Variants in GNA12 observed in about 807,000 individuals in gnomAD.
GNA12 encodes G protein subunit alpha 12.
In GNA12, 9 loss-of-function variants were observed where a neutral mutation model predicts 26.0. The observed-to-expected ratio is 0.35, with a 90% CI of 0.21 to 0.60. GNA12 has a LOEUF of 0.60. Ranked by LOEUF, GNA12 falls within the 20% of genes least tolerant of loss-of-function variation. The pLI, the probability that GNA12 is intolerant of heterozygous loss-of-function variation, is 0.78. For synonymous variants in GNA12, 264 were observed against 219.6 expected (o/e 1.20, Z -1.79); for missense variants, 405 against 525.8 (o/e 0.77, Z 2.25).
chr7:2,811,925 A>T (rs1245522552), intron 1 of GNA12, among the ~76,000 whole-genome samples: 2 of 152,264 alleles, frequency 1.3e-5, no homozygotes, highest in African/African-American at 4.8e-5. Flanking sequence ...TCCATCTTAT[A>T]AAACGAAAGG....
intron 1 of GNA12, among the ~76,000 whole-genome samples, chr7:2,830,820 T>C (rs1182187): frequency 6.6e-6 from 1 of 151,932 alleles, no homozygotes; most frequent in Non-Finnish European, 1.5e-5. Context: ...TGTGCACCTG[T>C]GTCCTAGCTA....
chr7:2,756,090 A>C (rs566218489), intron 2 of GNA12, among the ~76,000 whole-genome samples: 1 of 152,354 alleles, frequency 6.6e-6, no homozygotes, highest in East Asian at 1.9e-4. Context: ...ATCATCGGCA[A>C]AAGAAAAGTA....
intron 1 of GNA12, among the ~76,000 whole-genome samples, chr7:2,819,061 G>C (rs531187946): frequency 2.0e-5 from 3 of 152,234 alleles, no homozygotes; most frequent in Admixed American, 6.5e-5. Flanking sequence ...ATTACCCTGC[G>C]AGCCTGATGG....
At chr7:2,839,193 T>C (rs1433512226) in intron 1 of GNA12, among the ~76,000 whole-genome samples, 1 of 152,188 alleles carries the variant, frequency 6.6e-6, no homozygotes, top group Non-Finnish European at 1.5e-5. Context: ...CTGTCCATAG[T>C]GGAGTCGAAC....
chr7:2,731,025 C>T lies in GNA12; in HGVS notation c.*156G>A, dbSNP rs996433102. 6 of 572,530 alleles carry T rather than the reference C, an allele frequency of 1.0e-5. No homozygotes were observed. The highest frequency in any genetic ancestry group is 4.5e-4 in the Middle Eastern group (1 of 2,202). The allele number at this position is 572,530 out of a possible 1,614,324, so 35.5% of individuals were successfully genotyped here. On this transcript the variant is annotated 3_prime_UTR_variant, in exon 4 of 4. Transcript: ENST00000275364. This position sits in a 1 kb window ranked among gnomAD's most constrained non-coding sequence, Gnocchi z 6.0. ...TTTCCATGTCCTTTTGCCTAGAGCT[C>T]GCTGGCTGGCTGGTCTGACAGCATT...
In GNA12 at chr7:2,814,396, G is replaced by A. The variant is rs1478716491; in HGVS notation, c.310-19253C>T. 2.0e-6 allele frequency: 3 copies of A among 1,535,824 alleles called. No homozygotes were observed. The Admixed American group carries it at 5.0e-5, about 26-fold the overall frequency. On this transcript the variant is annotated intron_variant, in intron 1 of 3. Coordinates refer to ENST00000275364, the MANE Select transcript of GNA12 (RefSeq NM_007353.3). The stretch of plus-strand genomic sequence containing the variant: ...CTGGTGTGCTTCCCGAACCCTGCAA[G>A]TCAACATTTAAGAATTCCTATAATC...
intron 1 of GNA12, chr7:2,835,700 C>A: frequency 8.8e-6 from 9 of 1,021,148 alleles, no homozygotes; most frequent in Non-Finnish European, 1.1e-5. Flanking sequence ...AACAAATTTG[C>A]ATGGAATACA....
chr7:2,738,212 C>T (rs1263786366), intron 2 of GNA12, among the ~76,000 whole-genome samples: 1 of 151,462 alleles, frequency 6.6e-6, no homozygotes, highest in Non-Finnish European at 1.5e-5. Context: ...GTCAGGAGTT[C>T]GAGACAAGCC....
rs534075202 is a variant in GNA12, at chr7:2,789,195, G to A, written c.525+5733C>T. ...CTGTCGCCCAGGCTGGAGTGCAGTGGCGGGATCTCGGCTCACTGCAAGCTC... is the reference window on the plus strand; with the variant it reads ...CTGTCGCCCAGGCTGGAGTGCAGTGACGGGATCTCGGCTCACTGCAAGCTC... On this transcript the variant is annotated intron_variant, in intron 2 of 3. Coordinates refer to ENST00000275364, the MANE Select transcript of GNA12 (RefSeq NM_007353.3). Among the ~76,000 whole-genome samples the A allele has an allele frequency of 2.0e-3, 268 of 131,518 alleles. 7 individuals are homozygous for A. Among genetic ancestry groups the A allele is most frequent in the Admixed American group, 0.017 (218 of 12,538 alleles). 86.3% of individuals were successfully genotyped at this position (131,518 alleles called of 152,430 possible).
intron 1 of GNA12, among the ~76,000 whole-genome samples, chr7:2,805,133 G>A (rs1792914305): frequency 6.6e-6 from 1 of 152,114 alleles, no homozygotes; most frequent in Admixed American, 6.5e-5. Flanking sequence ...CGACCAAGGT[G>A]CCAAATAAAT....
intron 2 of GNA12, among the ~76,000 whole-genome samples, chr7:2,753,398 A>T (rs1312472900): frequency 1.3e-5 from 1 of 79,114 alleles, no homozygotes; most frequent in African/African-American, 4.2e-5. Flanking sequence ...CCATCCTCCC[A>T]AAGTGCTGGG....
intron 2 of GNA12, among the ~76,000 whole-genome samples, chr7:2,750,154 C>A (rs547472194): frequency 1.1e-4 from 17 of 152,308 alleles, no homozygotes; most frequent in African/African-American, 3.9e-4. Context: ...TCCGGTCTGA[C>A]ATGTAAAGGG....
At chr7:2,753,724 A>G (rs1020436023) in intron 2 of GNA12, among the ~76,000 whole-genome samples, 2 of 152,166 alleles carry the variant, frequency 1.3e-5, no homozygotes, top group African/African-American at 2.4e-5. Flanking sequence ...GCCGGGCTGT[A>G]TAAGTGTATG....
In GNA12 at chr7:2,731,787, G is replaced by A. The variant is rs755763128; in HGVS notation, c.577-37C>T. ...AGGATGAGGCAGAAATTTAGGGGGA[G>A]GAAGAAAGAACAGAGAAAATAGAAA... On this transcript the variant is annotated intron_variant, in intron 3 of 3. Transcript: ENST00000275364. This position sits in a 1 kb window ranked among gnomAD's most constrained non-coding sequence, Gnocchi z 6.0. 23 of 1,087,556 alleles carry A rather than the reference G, an allele frequency of 2.1e-5. No homozygotes were observed. The highest frequency in any genetic ancestry group is 2.1e-4 in the Middle Eastern group (1 of 4,708). 67.4% of individuals were successfully genotyped at this position (1,087,556 alleles called of 1,614,324 possible).
intron 2 of GNA12, among the ~76,000 whole-genome samples, chr7:2,763,674 C>G (rs1019350852): frequency 6.6e-6 from 1 of 152,210 alleles, no homozygotes. Flanking sequence ...AGGAAGATCC[C>G]TGGTAAGAAT....
chr7:2,813,171 T>A (rs940602269), intron 1 of GNA12, among the ~76,000 whole-genome samples: 2 of 152,210 alleles, frequency 1.3e-5, no homozygotes, highest in Admixed American at 6.5e-5. Context: ...TCCTCCTGCC[T>A]GGTATCCAGC....
chr7:2,830,351 T>C (rs1182188), intron 1 of GNA12, among the ~76,000 whole-genome samples: 39,019 of 152,130 alleles, frequency 0.26, 5,470 homozygotes, highest in Non-Finnish European at 0.3. Context: ...GTCAGGTGGA[T>C]GGAGATGAAA....
chr7:2,758,279 CTT>C (rs1791395359), intron 2 of GNA12, among the ~76,000 whole-genome samples: 1 of 152,204 alleles, frequency 6.6e-6, no homozygotes, highest in Non-Finnish European at 1.5e-5. Context: ...AATCCTAGCA[CTT>C]TAAGAAAACA....
At chr7:2,840,169 A>C (rs1422089025) in intron 1 of GNA12, among the ~76,000 whole-genome samples, 2 of 152,186 alleles carry the variant, frequency 1.3e-5, no homozygotes, top group Admixed American at 1.3e-4. Context: ...TACAGAACAT[A>C]ATCACTGAGG....
Sources: allele counts gnomAD v4.1 joint callset (sites outside exome capture counted in the v4.1 genomes callset), GRCh38; gene constraint gnomAD v4.1.1; non-coding constraint Gnocchi (gnomAD v3.1); transcripts MANE v1.5; gene names NCBI Gene and HGNC (gene_info 2026-07-23, HGNC 2026-07-21).